The following RIN2 variants were observed in gnomAD, a reference collection of about 807,000 sequenced individuals.
RIN2 encodes the protein Ras and Rab interactor 2.
A neutral mutation model predicts 78.0 loss-of-function variants in RIN2; 36 were observed. That is an observed-to-expected ratio of 0.46 (90% CI 0.35 to 0.61). The LOEUF (loss-of-function observed/expected upper bound fraction) is 0.61. Ranked by LOEUF, RIN2 falls within the 20% of genes least tolerant of loss-of-function variation. RIN2 has a pLI of 0.00. For missense variants in RIN2, 1,087 were observed against 1,159.7 expected, an observed-to-expected ratio of 0.94 and a Z score of 0.91; for synonymous variants, 466 against 466.8, an observed-to-expected ratio of 1.00 and a Z score of 0.02.
In RIN2 at chr20:19,974,741, C is replaced by G; in HGVS notation, c.716C>G (p.Ser239Cys). The change falls in exon 9 of 13, where the codon TCC (serine) becomes TGC (cysteine). Residue 239 changes from serine to cysteine, a missense_variant. This residue lies in a region of RIN2 where 706 missense variants were observed against 667.5 expected (regional missense o/e 1.06). Transcript: ENST00000255006. ...TCCTCCGACGGTGTCTGTCCTGCCT[C>G]CCTGCGTCAGCTCTGCCTTATAAAT... ...PLSSDGVCPA[S>C]LRQLCLINGV... 6.2e-7 allele frequency: 1 copy of G among 1,614,048 alleles called. No homozygotes were observed.
intron 2 of RIN2, among the ~76,000 whole-genome samples, chr20:19,846,342 G>C (rs1397088208): frequency 6.6e-6 from 1 of 152,130 alleles, no homozygotes; most frequent in Non-Finnish European, 1.5e-5. Flanking sequence ...TCACGATATT[G>C]ATTCTTCCTA....
At chr20:19,888,312 G>T (rs544197652) in intron 2 of RIN2, among the ~76,000 whole-genome samples, 1 of 152,114 alleles carries the variant, frequency 6.6e-6, no homozygotes, top group African/African-American at 2.4e-5. Flanking sequence ...GGTGTAAATC[G>T]TGGGGCCGAA....
At chr20:19,834,850 G>C (rs116873709) in intron 2 of RIN2, among the ~76,000 whole-genome samples, 5,451 of 152,046 alleles carry the variant, frequency 0.036, 126 homozygotes, top group Middle Eastern at 0.058. Flanking sequence ...CACTTTGAGA[G>C]ACTGAGGCAA....
chr20:19,971,735 A>ATTTTTTTT lies in RIN2; in HGVS notation c.628+823_628+830dup, dbSNP rs61019165. Among the ~76,000 whole-genome samples the ATTTTTTTT allele has an allele frequency of 2.4e-3, 219 of 91,526 alleles. 28 individuals carry two copies. Among genetic ancestry groups the ATTTTTTTT allele is most frequent in the African/African-American group, 9.7e-3 (196 of 20,144 alleles). 60.0% of individuals were successfully genotyped at this position (91,526 alleles called of 152,430 possible). ...TGAATTCCCTTCTGCTGAAACTGCA[A>ATTTTTTTT]TTTTTTTTTTTTTTTTTTTTTTTTG... is the stretch of plus-strand genomic sequence containing the variant. On this transcript the variant is annotated intron_variant, in intron 8 of 12. Transcript: ENST00000255006.
intron 2 of RIN2, among the ~76,000 whole-genome samples, chr20:19,844,698 CTCT>C (rs869169793): frequency 0.021 from 555 of 26,328 alleles, 20 homozygotes; most frequent in Non-Finnish European, 0.035. Context: ...CTTCCTCTTC[CTCT>C]TCTTCTTCTT....
At chr20:19,772,305 TC>T (rs1244798209) in intron 1 of RIN2, among the ~76,000 whole-genome samples, 1 of 152,140 alleles carries the variant, frequency 6.6e-6, no homozygotes, top group Admixed American at 6.5e-5. Flanking sequence ...GTGCTCACTG[TC>T]CCCAAGTCTC....
At chr20:19,771,805 G>C (rs1334608152) in intron 1 of RIN2, among the ~76,000 whole-genome samples, 1 of 151,696 alleles carries the variant, frequency 6.6e-6, no homozygotes, top group Non-Finnish European at 1.5e-5. Flanking sequence ...CCCACTAATG[G>C]GCTTTGAAAA....
At chr20:19,816,684 A>G (rs554454851) in intron 2 of RIN2, among the ~76,000 whole-genome samples, 51 of 152,350 alleles carry the variant, frequency 3.3e-4, no homozygotes, top group African/African-American at 1.2e-3. Flanking sequence ...ACTGGGTCAC[A>G]CAAACAAAAA....
rs183724123 is a variant in RIN2 at position 19,944,487 on chromosome 20, G to A, written c.158+9288G>A. ...CTTCTGTCTCATCCTTGATTCATAA[G>A]ATGACCCCTGCATTGGCCTCTTGTA... On this transcript the variant is annotated intron_variant, in intron 4 of 12. Transcript: ENST00000255006. Among the ~76,000 whole-genome samples the A allele has an allele frequency of 5.3e-5, 8 of 152,316 alleles. No individual in the cohort carries two copies. In the East Asian group the frequency reaches 1.5e-3, roughly 29 times the overall value.
intron 4 of RIN2, 38 bp downstream of exon 4, chr20:19,935,237 G>C: frequency 6.5e-7 from 1 of 1,528,348 alleles, no homozygotes; most frequent in Non-Finnish European, 8.9e-7. Context: ...GTGCGAGAAA[G>C]GGATCGAGTG....
At chr20:19,966,636 C>T (rs2041948772) in intron 7 of RIN2, among the ~76,000 whole-genome samples, 1 of 152,100 alleles carries the variant, frequency 6.6e-6, no homozygotes, top group African/African-American at 2.4e-5. Flanking sequence ...AGCCACTAAG[C>T]CGTTCACCCT....
chr20:19,871,258 C>G (rs2037681053), intron 2 of RIN2, among the ~76,000 whole-genome samples: 1 of 152,160 alleles, frequency 6.6e-6, no homozygotes, highest in African/African-American at 2.4e-5. Flanking sequence ...ATTTATTTTG[C>G]AAGAGCTGAA....
At chr20:19,851,034 G>A (rs919329200) in intron 2 of RIN2, among the ~76,000 whole-genome samples, 1,364 of 100,110 alleles carry the variant, frequency 0.014, 24 homozygotes, top group African/African-American at 0.056. Context: ...AGGAAGGAAG[G>A]AAGGAAGGAA....
At chr20:19,882,922 A>G (rs1271037094) in intron 2 of RIN2, among the ~76,000 whole-genome samples, 5 of 152,210 alleles carry the variant, frequency 3.3e-5, no homozygotes, top group African/African-American at 4.8e-5. Context: ...TGCATAACAT[A>G]CGGGTTAATT....
intron 4 of RIN2, among the ~76,000 whole-genome samples, chr20:19,942,118 A>AAAAAAAAAAAAAAAAG (rs61328325): frequency 6.7e-4 from 96 of 142,944 alleles, no homozygotes; most frequent in African/African-American, 1.5e-3. Flanking sequence ...TCAAAAAAAA[A>AAAAAAAAAAAAAAAAG]AAAAGAAAGA....
At chr20:19,776,919 C>T (rs1273565604) in intron 1 of RIN2, among the ~76,000 whole-genome samples, 1 of 152,154 alleles carries the variant, frequency 6.6e-6, no homozygotes, top group Admixed American at 6.5e-5. Flanking sequence ...AGCCTGACAC[C>T]TTGGTCACAT....
chr20:19,795,261 T>C (rs2035019198), intron 1 of RIN2, among the ~76,000 whole-genome samples: 1 of 152,226 alleles, frequency 6.6e-6, no homozygotes, highest in South Asian at 2.1e-4. Flanking sequence ...GGCTATAGTG[T>C]TTTTGTTTCT....
intron 2 of RIN2, among the ~76,000 whole-genome samples, chr20:19,880,569 G>A (rs1314720934): frequency 6.6e-6 from 1 of 151,684 alleles, no homozygotes; most frequent in Non-Finnish European, 1.5e-5. Flanking sequence ...CTAATTTTCT[G>A]TAGAGATGAG....
intron 11 of RIN2, among the ~76,000 whole-genome samples, chr20:19,995,174 T>C (rs2235888): frequency 0.29 from 42,816 of 149,886 alleles, 7,718 homozygotes; most frequent in East Asian, 0.79. Flanking sequence ...ACTTTGGCCC[T>C]AAAGGTGACA....
Sources: allele counts gnomAD v4.1 joint callset (sites outside exome capture counted in the v4.1 genomes callset), GRCh38; gene constraint gnomAD v4.1.1; regional missense constraint gnomAD v4.1.1; transcripts MANE v1.5; gene names NCBI Gene and HGNC (gene_info 2026-07-23, HGNC 2026-07-21).